DNM3: variants seen among roughly 807,000 people sequenced by gnomAD.
The protein encoded by DNM3 is dynamin-3.
Under a neutral mutation model 101.6 loss-of-function variants are expected in DNM3, and 47 were observed. The observed-to-expected ratio is 0.46, with a 90% CI of 0.37 to 0.59. The LOEUF is 0.59. DNM3 is among the 20% of genes least tolerant of loss of function. The pLI, the probability that DNM3 is intolerant of heterozygous loss-of-function variation, is 0.00. For synonymous variants in DNM3, 385 were observed against 387.9 expected (o/e 0.99, Z 0.09); for missense variants, 849 against 1,085.7 (o/e 0.78, Z 3.06).
At chr1:172,145,783 T>G (rs541161244) in intron 14 of DNM3, among the ~76,000 whole-genome samples, 1 of 152,316 alleles carries the variant, frequency 6.6e-6, no homozygotes, top group African/African-American at 2.4e-5. Flanking sequence ...GATTCTGTTT[T>G]GATACTTTTG....
intron 14 of DNM3, among the ~76,000 whole-genome samples, chr1:172,182,045 C>T (rs1002119683): frequency 3.3e-5 from 5 of 151,688 alleles, no homozygotes; most frequent in Admixed American, 6.6e-5. Flanking sequence ...GACTGATAGT[C>T]GATTTCTTTG....
At chr1:172,111,237 G>A (rs1270567289) in intron 13 of DNM3, among the ~76,000 whole-genome samples, 1 of 152,148 alleles carries the variant, frequency 6.6e-6, no homozygotes, top group Non-Finnish European at 1.5e-5. Flanking sequence ...TGACCTCCCA[G>A]ACATTGTGAC....
At chr1:171,915,391 T>G (rs953449792) in intron 1 of DNM3, among the ~76,000 whole-genome samples, 1 of 152,096 alleles carries the variant, frequency 6.6e-6, no homozygotes, top group African/African-American at 2.4e-5. Flanking sequence ...AGTGTAGCAG[T>G]TTATATGATA....
At chr1:172,290,350 A>T (rs1054691121) in intron 15 of DNM3, among the ~76,000 whole-genome samples, 6 of 152,292 alleles carry the variant, frequency 3.9e-5, no homozygotes, top group African/African-American at 1.4e-4. Context: ...ATATTAGTGG[A>T]TTATCAATGT....
rs118006109 is a variant in DNM3, at chr1:172,395,753, C to T, written c.2522+6944C>T. ...GTATTGTAAGTGTTGTCGGGGGGAACCCCTGAATCTAAACATATATTTACA... is the reference window on the plus strand; with the variant it reads ...GTATTGTAAGTGTTGTCGGGGGGAATCCCTGAATCTAAACATATATTTACA... On this transcript the variant is annotated intron_variant, in intron 20 of 20. Coordinates refer to ENST00000627582, the MANE Select transcript of DNM3 (RefSeq NM_015569.5). Among the ~76,000 whole-genome samples the T allele has an allele frequency of 3.2e-4, 48 of 152,328 alleles. No homozygotes were observed. The East Asian group carries it at 7.9e-3, about 25-fold the overall frequency.
chr1:172,314,980 G>A (rs907649044), intron 16 of DNM3, among the ~76,000 whole-genome samples: 3 of 152,216 alleles, frequency 2.0e-5, no homozygotes, highest in Non-Finnish European at 4.4e-5. Context: ...GCCTAACTGG[G>A]AGGCACCCCC....
intron 4 of DNM3, among the ~76,000 whole-genome samples, chr1:172,023,340 G>T (rs1440935994): frequency 1.3e-5 from 2 of 151,950 alleles, no homozygotes; most frequent in African/African-American, 4.8e-5. Context: ...CTTTAACAGC[G>T]TTCTTAAAAA....
intron 17 of DNM3, among the ~76,000 whole-genome samples, chr1:172,326,934 T>C (rs2065960737): frequency 6.6e-6 from 1 of 152,128 alleles, no homozygotes; most frequent in Non-Finnish European, 1.5e-5. Flanking sequence ...ATCACTTAAC[T>C]TCAGTATTGT....
chr1:171,975,105 T>A (rs541767923), intron 2 of DNM3, among the ~76,000 whole-genome samples: 109 of 152,228 alleles, frequency 7.2e-4, no homozygotes, highest in African/African-American at 2.6e-3. Context: ...GATCCTCATG[T>A]CTTGGCCTCC....
intron 16 of DNM3, among the ~76,000 whole-genome samples, chr1:172,320,659 A>G (rs937330716): frequency 6.6e-6 from 1 of 152,316 alleles, no homozygotes; most frequent in East Asian, 1.9e-4. Context: ...CTCTTAGGAA[A>G]CTATCAGTGG....
chr1:171,924,740 A>G (rs12135871), intron 2 of DNM3, among the ~76,000 whole-genome samples: 24,158 of 152,156 alleles, frequency 0.16, 2,373 homozygotes, highest in South Asian at 0.26. Flanking sequence ...AAGCCTAAAC[A>G]TATCAATAGC....
intron 8 of DNM3, 66 bp from the exon 9 acceptor site, chr1:172,044,319 G>T: frequency 1.5e-6 from 2 of 1,343,784 alleles, no homozygotes; most frequent in Non-Finnish European, 1.0e-6. Context: ...TTCTCATTCT[G>T]TAATGTTCAA....
At chr1:171,899,095 T>C (rs2038076725) in intron 1 of DNM3, among the ~76,000 whole-genome samples, 1 of 152,198 alleles carries the variant, frequency 6.6e-6, no homozygotes, top group Non-Finnish European at 1.5e-5. Context: ...GGCCTGTTTG[T>C]TGTTAGCCCA....
chr1:172,195,863 AT>A (rs924084544), intron 14 of DNM3, among the ~76,000 whole-genome samples: 21 of 147,810 alleles, frequency 1.4e-4, no homozygotes, highest in South Asian at 6.5e-4. Flanking sequence ...TACTAAGTGG[AT>A]TTTTTTTTTA....
chr1:172,180,574 A>G (rs1328182429), intron 14 of DNM3, among the ~76,000 whole-genome samples: 1 of 152,070 alleles, frequency 6.6e-6, no homozygotes, highest in African/African-American at 2.4e-5. Flanking sequence ...TTCTCAACAT[A>G]TAGCATACTT....
chr1:171,975,393 C>T (rs1337893758), intron 2 of DNM3, among the ~76,000 whole-genome samples: 1 of 152,010 alleles, frequency 6.6e-6, no homozygotes, highest in Non-Finnish European at 1.5e-5. Flanking sequence ...CTCTTATTAC[C>T]AAGTTATACT....
At chr1:172,357,445 T>C (rs1009204296) in intron 17 of DNM3, among the ~76,000 whole-genome samples, 4 of 152,130 alleles carry the variant, frequency 2.6e-5, no homozygotes, top group Admixed American at 6.6e-5. Context: ...TTATGTGGCG[T>C]GTTTTTGCTA....
At chr1:172,296,160 C>G (rs1424306924) in intron 15 of DNM3, among the ~76,000 whole-genome samples, 1 of 152,212 alleles carries the variant, frequency 6.6e-6, no homozygotes. Flanking sequence ...GTGCTGGTCA[C>G]TTTGTGAGAC....
intron 14 of DNM3, among the ~76,000 whole-genome samples, chr1:172,159,944 A>C (rs921034968): frequency 6.6e-6 from 1 of 152,006 alleles, no homozygotes; most frequent in Admixed American, 6.6e-5. Context: ...CCCCTAGGCT[A>C]TAAACCCATA....
Sources: gnomAD v4.1 joint callset for allele counts (sites outside exome capture counted in the v4.1 genomes callset) on GRCh38, gnomAD v4.1.1 for gene constraint, MANE v1.5 for transcripts, NCBI Gene and HGNC (gene_info 2026-07-23, HGNC 2026-07-21) for gene names.